Variants in KCNQ1 observed in about 807,000 individuals in gnomAD.
The protein encoded by KCNQ1 is potassium voltage-gated channel subfamily Q member 1, also known as potassium voltage-gated channel subfamily KQT member 1.
Under a neutral mutation model 72.4 loss-of-function variants are expected in KCNQ1, and 49 were observed. The observed-to-expected ratio is 0.68, with a 90% CI of 0.54 to 0.86. The LOEUF (loss-of-function observed/expected upper bound fraction) is 0.86, where lower values mean the gene tolerates loss of function less well. Ranked by LOEUF, KCNQ1 falls within the 40% of genes least tolerant of loss-of-function variation. KCNQ1 has a pLI of 0.00. For missense variants in KCNQ1, 790 were observed against 945.1 expected, an observed-to-expected ratio of 0.84 and a Z score of 2.15; for synonymous variants, 450 against 412.6, an observed-to-expected ratio of 1.09 and a Z score of -1.10.
At chr11:2,655,521 A>G (rs965976683) in intron 10 of KCNQ1, 12 of 398,562 alleles carry the variant, frequency 3.0e-5, no homozygotes, top group African/African-American at 4.1e-5. Flanking sequence ...CAAGTACACC[A>G]TGGGCTCAAC....
chr11:2,659,376 T>A lies in KCNQ1; in HGVS notation c.1394-2585T>A. 1 of 398,640 alleles carries A rather than the reference T, an allele frequency of 2.5e-6. No individual in the cohort carries two copies. 24.7% of individuals were successfully genotyped at this position (398,640 alleles called of 1,614,324 possible). A position where few individuals can be genotyped will look rare whatever the true frequency, so the allele number is the denominator to read the frequency against. On this transcript the variant is annotated intron_variant, in intron 10 of 15. Coordinates refer to ENST00000155840, the MANE Select transcript of KCNQ1 (RefSeq NM_000218.3). This position sits in a 1 kb window ranked among gnomAD's most constrained non-coding sequence, Gnocchi z 4.3. ...TAATATGTATTCTTTTGCATCTGGC[T>A]TCTTTCACTGCTTAGCAAAATGCAT...
Position 2,832,431 on chromosome 11 carries a change from G to A in KCNQ1, c.1795-15336G>A, listed in dbSNP as rs369788875. Among the ~76,000 whole-genome samples the A allele has an allele frequency of 9.2e-5, 14 of 152,176 alleles. No individual in the cohort carries two copies. The East Asian group carries it at 9.7e-4, about 11-fold the overall frequency. ...CAGAGCTCCGACCGCACAGGGTCATGGGGAGCAAGAGGAACCAGGATACCC... is the reference window on the plus strand; with the variant it reads ...CAGAGCTCCGACCGCACAGGGTCATAGGGAGCAAGAGGAACCAGGATACCC... On this transcript the variant is annotated intron_variant, in intron 15 of 15. Transcript: ENST00000155840.
intron 11 of KCNQ1, among the ~76,000 whole-genome samples, chr11:2,708,841 CAG>C (rs1401916755): frequency 2.0e-5 from 3 of 152,118 alleles, no homozygotes; most frequent in East Asian, 3.9e-4. Flanking sequence ...AGCCTGGCAA[CAG>C]GGGCAGCTCC....
chr11:2,513,366 G>A (rs1006514056), intron 1 of KCNQ1, among the ~76,000 whole-genome samples: 2 of 152,180 alleles, frequency 1.3e-5, no homozygotes, highest in Admixed American at 6.5e-5. Flanking sequence ...GGGACTTGAG[G>A]GTGGGGCAGC....
chr11:2,573,455 T>C (rs1848372235), intron 6 of KCNQ1, among the ~76,000 whole-genome samples: 1 of 152,104 alleles, frequency 6.6e-6, no homozygotes, highest in Admixed American at 6.5e-5. Context: ...GAGCCAGACA[T>C]GAGACAGCAA....
At chr11:2,448,037 C>T (rs1846069879) in intron 1 of KCNQ1, among the ~76,000 whole-genome samples, 1 of 152,248 alleles carries the variant, frequency 6.6e-6, no homozygotes, top group African/African-American at 2.4e-5. Flanking sequence ...CCAACACCCC[C>T]AGTTATCTGT....
intron 11 of KCNQ1, among the ~76,000 whole-genome samples, chr11:2,751,854 A>G (rs143418504): frequency 1.9e-4 from 29 of 152,366 alleles, no homozygotes; most frequent in African/African-American, 6.7e-4. Context: ...TGGCACTTGC[A>G]GAACATGAGG....
At chr11:2,569,677 G>A (rs1409423796) in intron 2 of KCNQ1, among the ~76,000 whole-genome samples, 2 of 152,322 alleles carry the variant, frequency 1.3e-5, no homozygotes, top group African/African-American at 2.4e-5. Context: ...CGTACACCCC[G>A]GCTGCCTGGG....
chr11:2,498,228 C>A lies in KCNQ1; in HGVS notation c.387-29700C>A, dbSNP rs1393024540. ...CTGCGAGAATCCCCCTTGTCAGGATCAGCTGCTCTCTTCAGAGCCAGCAGG... is the reference window on the plus strand; with the variant it reads ...CTGCGAGAATCCCCCTTGTCAGGATAAGCTGCTCTCTTCAGAGCCAGCAGG... On this transcript the variant is annotated intron_variant, in intron 1 of 15. Coordinates refer to ENST00000155840, the MANE Select transcript of KCNQ1 (RefSeq NM_000218.3). This position sits in a 1 kb window ranked among gnomAD's most constrained non-coding sequence, Gnocchi z 4.8. 6.6e-6 allele frequency among the ~76,000 whole-genome samples: 1 copy of A among 152,212 alleles called. No individual in the cohort carries two copies. The highest frequency in any genetic ancestry group is 6.5e-5 in the Admixed American group (1 of 15,286).
intron 10 of KCNQ1, chr11:2,649,090 T>A: frequency 2.5e-6 from 1 of 397,328 alleles, no homozygotes; most frequent in Non-Finnish European, 4.4e-6. Flanking sequence ...TCCCTTACAG[T>A]CTATGGGTGT....
At chr11:2,798,183 G>A (rs1847178108) in intron 15 of KCNQ1, among the ~76,000 whole-genome samples, 1 of 152,214 alleles carries the variant, frequency 6.6e-6, no homozygotes, top group South Asian at 2.1e-4. Flanking sequence ...CCACATGGCA[G>A]CCCAGGGCCC....
intron 2 of KCNQ1, among the ~76,000 whole-genome samples, chr11:2,532,418 C>G (rs1377901301): frequency 6.6e-6 from 1 of 152,258 alleles, no homozygotes; most frequent in Admixed American, 6.5e-5. Context: ...TCCCAGCAGT[C>G]TCTCGAAGCA....
Position 2,602,686 on chromosome 11 carries a change from C to T in KCNQ1, c.1393+13832C>T, listed in dbSNP as rs956611285. 6.6e-6 allele frequency among the ~76,000 whole-genome samples: 1 copy of T among 152,196 alleles called. No individual in the cohort carries two copies. Among genetic ancestry groups the T allele is most frequent in the South Asian group, 2.1e-4 (1 of 4,832 alleles). On this transcript the variant is annotated intron_variant, in intron 10 of 15. Coordinates refer to ENST00000155840, the MANE Select transcript of KCNQ1 (RefSeq NM_000218.3). This position sits in a 1 kb window ranked among gnomAD's most constrained non-coding sequence, Gnocchi z 4.8. ...ATTTCCTCATTAGGATGATACTGAA[C>T]ATCTTTTCATGTGCCTGTTTGCCAT... is the stretch of plus-strand genomic sequence containing the variant.
chr11:2,630,079 T>C, intron 10 of KCNQ1: 1 of 398,424 alleles, frequency 2.5e-6, no homozygotes, highest in Non-Finnish European at 4.4e-6. Flanking sequence ...TTTATTGTGT[T>C]GCAGTACATT....
intron 15 of KCNQ1, among the ~76,000 whole-genome samples, chr11:2,796,181 CAG>C (rs1232515008): frequency 6.6e-6 from 1 of 152,194 alleles, no homozygotes; most frequent in East Asian, 1.9e-4. Flanking sequence ...CCAAAATACA[CAG>C]GGACTATTCG....
rs1004159083 is a variant in KCNQ1 at position 2,621,986 on chromosome 11, T to G, written c.1393+33132T>G. 2.5e-6 allele frequency: 1 copy of G among 398,284 alleles called. No individual in the cohort carries two copies. The highest frequency in any genetic ancestry group is 2.1e-5 in the African/African-American group (1 of 48,624). The allele number at this position is 398,284 out of a possible 1,614,324, so 24.7% of individuals were successfully genotyped here. On this transcript the variant is annotated intron_variant, in intron 10 of 15. Transcript: ENST00000155840. The surrounding 1 kb of genome is among the most constrained non-coding windows in gnomAD (Gnocchi z 5.7). ...GGCTATTTGAAATATCTCTTCTTTT[T>G]TAATGTAGGCAAGGCATTTATTGCT...
At chr11:2,801,695 G>A (rs1847268096) in intron 15 of KCNQ1, among the ~76,000 whole-genome samples, 1 of 152,240 alleles carries the variant, frequency 6.6e-6, no homozygotes, top group Non-Finnish European at 1.5e-5. Context: ...GCACAGTTCA[G>A]TTCATAACAC....
intron 15 of KCNQ1, among the ~76,000 whole-genome samples, chr11:2,838,072 G>T (rs374835452): frequency 6.6e-6 from 1 of 152,204 alleles, no homozygotes; most frequent in Non-Finnish European, 1.5e-5. Flanking sequence ...GAAACGTCCC[G>T]TCCCAAATTC....
At chr11:2,591,163 A>T (rs1848665635) in intron 10 of KCNQ1, among the ~76,000 whole-genome samples, 1 of 152,156 alleles carries the variant, frequency 6.6e-6, no homozygotes, top group Non-Finnish European at 1.5e-5. Context: ...AGTGTTCGCA[A>T]CCCTTTGTGC....
Sources: allele counts gnomAD v4.1 joint callset (sites outside exome capture counted in the v4.1 genomes callset), GRCh38; gene constraint gnomAD v4.1.1; non-coding constraint Gnocchi (gnomAD v3.1); transcripts MANE v1.5; gene names NCBI Gene and HGNC (gene_info 2026-07-23, HGNC 2026-07-21).